The following THRB variants were observed in gnomAD, a reference collection of about 807,000 sequenced individuals.
The protein encoded by THRB is nuclear receptor subfamily 1 group A member 2.
A neutral mutation model predicts 47.8 loss-of-function variants in THRB; 12 were observed. That is an observed-to-expected ratio of 0.25 (90% CI 0.16 to 0.41). The LOEUF is 0.41. Among genes scored for constraint, THRB ranks in the 10% least tolerant of loss-of-function variants. THRB has a pLI of 1.00. For synonymous variants in THRB, 218 were observed against 212.2 expected (o/e 1.03, Z -0.24); for missense variants, 348 against 589.2 (o/e 0.59, Z 4.24).
chr3:24,398,644 T>A (rs193059142), intron 1 of THRB, among the ~76,000 whole-genome samples: 4 of 152,272 alleles, frequency 2.6e-5, no homozygotes, highest in Admixed American at 2.6e-4. Flanking sequence ...TGTAAACTAG[T>A]TCAACCATTG....
intron 7 of THRB, 134 bp downstream of exon 7, chr3:24,146,541 G>A (rs2149034672): frequency 1.1e-6 from 1 of 913,992 alleles, no homozygotes; most frequent in South Asian, 1.5e-5. Context: ...AGTGAGGGGT[G>A]TATGCGAAAG....
At chr3:24,203,709 A>C (rs2044887453) in intron 4 of THRB, among the ~76,000 whole-genome samples, 1 of 152,198 alleles carries the variant, frequency 6.6e-6, no homozygotes, top group Non-Finnish European at 1.5e-5. Context: ...AGGGCAAGGC[A>C]TCACCTCACC....
intron 6 of THRB, among the ~76,000 whole-genome samples, chr3:24,150,794 G>A (rs1231300515): frequency 2.6e-5 from 4 of 152,232 alleles, no homozygotes; most frequent in Admixed American, 6.5e-5. Context: ...CCCATTATGC[G>A]CCGATTTAGA....
intron 1 of THRB, among the ~76,000 whole-genome samples, chr3:24,400,672 GTCTATATATAT>G (rs917792904): frequency 2.6e-5 from 4 of 152,030 alleles, no homozygotes; most frequent in African/African-American, 4.8e-5. Context: ...TGAATCGTAG[GTCTATATATAT>G]TTCATTGTTG....
chr3:24,143,600 C>G lies in THRB; in HGVS notation c.639G>C (p.Glu213Asp). The change falls in exon 8 of 11, where the codon GAG (glutamate) becomes GAC (aspartate). Residue 213 changes from glutamate to aspartate, a missense_variant. Glu to Asp is a conservative substitution (Grantham distance 45, BLOSUM62 2). Around this residue, in one of 5 missense-constraint regions of THRB, gnomAD observed 112 missense variants for 212.3 expected, o/e 0.53. Transcript: ENST00000646209. The stretch of plus-strand genomic sequence containing the variant: ...TGAGCTCCCATTCCTCGTCTGTGGG[C>G]TCTGGCTTGTGCCCGATGGACTTCT... ...ELQKSIGHKP[E>D]PTDEEWELIK... 1 of 1,614,240 alleles carries G rather than the reference C, an allele frequency of 6.2e-7. No homozygotes were observed. The highest frequency in any genetic ancestry group is 8.5e-7 in the Non-Finnish European group (1 of 1,180,026).
chr3:24,435,833 C>T (rs948887338), intron 1 of THRB, among the ~76,000 whole-genome samples: 1 of 152,212 alleles, frequency 6.6e-6, no homozygotes, highest in African/African-American at 2.4e-5. Context: ...TCCCCCTCCG[C>T]GGCCCTTCCA....
At chr3:24,370,155 G>A (rs2064796740) in intron 1 of THRB, among the ~76,000 whole-genome samples, 1 of 151,886 alleles carries the variant, frequency 6.6e-6, no homozygotes, top group Non-Finnish European at 1.5e-5. Context: ...CTTAGAACGG[G>A]GCATTATAAT....
intron 1 of THRB, among the ~76,000 whole-genome samples, chr3:24,492,692 A>G (rs1388894008): frequency 6.6e-6 from 1 of 152,234 alleles, no homozygotes; most frequent in Non-Finnish European, 1.5e-5. Context: ...AAGATAATGG[A>G]TTAAAAAGTT....
intron 1 of THRB, among the ~76,000 whole-genome samples, chr3:24,460,952 C>T (rs1353914448): frequency 6.6e-6 from 1 of 152,124 alleles, no homozygotes; most frequent in African/African-American, 2.4e-5. Context: ...TAAAGCCCCC[C>T]AGAAGTATAA....
chr3:24,130,864 A>G (rs1046368119), intron 9 of THRB, among the ~76,000 whole-genome samples: 10 of 152,246 alleles, frequency 6.6e-5, no homozygotes, highest in Non-Finnish European at 1.2e-4. Context: ...AAAATTGGAA[A>G]TGAACTATAG....
At chr3:24,379,824 C>T (rs60586356) in intron 1 of THRB, among the ~76,000 whole-genome samples, 5,832 of 152,020 alleles carry the variant, frequency 0.038, 128 homozygotes, top group Middle Eastern at 0.058. Flanking sequence ...CTGTTACTTC[C>T]AGGTTCCCCC....
intron 5 of THRB, among the ~76,000 whole-genome samples, chr3:24,175,619 C>T (rs1340623733): frequency 6.6e-6 from 1 of 152,174 alleles, no homozygotes; most frequent in East Asian, 1.9e-4. Flanking sequence ...GCTAAGCCAA[C>T]AGTGGAATGT....
intron 3 of THRB, among the ~76,000 whole-genome samples, chr3:24,251,762 T>C (rs1294012039): frequency 6.6e-5 from 10 of 152,050 alleles, no homozygotes; most frequent in African/African-American, 2.2e-4. Flanking sequence ...AAAAAAATTA[T>C]TTAAACTGTT....
At chr3:24,319,383 C>T (rs942173311) in intron 2 of THRB, among the ~76,000 whole-genome samples, 2 of 152,018 alleles carry the variant, frequency 1.3e-5, no homozygotes, top group South Asian at 2.1e-4. Flanking sequence ...TACTACTCTG[C>T]AATAAAAAAG....
intron 1 of THRB, among the ~76,000 whole-genome samples, chr3:24,360,040 A>T (rs576694638): frequency 2.6e-5 from 4 of 152,278 alleles, no homozygotes; most frequent in African/African-American, 9.6e-5. Context: ...TCTTTCTATT[A>T]ATCCAAGGCC....
intron 3 of THRB, among the ~76,000 whole-genome samples, chr3:24,230,757 G>C (rs2150111797): frequency 6.6e-6 from 1 of 152,300 alleles, no homozygotes; most frequent in South Asian, 2.1e-4. Flanking sequence ...AACTTGGCTT[G>C]GACTGTGCCC....
rs1207008580 is a variant in THRB at position 24,261,520 on chromosome 3, C to CAAAAAA, written c.-42-32525_-42-32520dup. On this transcript the variant is annotated intron_variant, in intron 3 of 10. Transcript: ENST00000646209. ...CTCAAAAAAAAAAAAAAAAAAAAAC[C>CAAAAAA]AAAAAAAACTCTCTAGATCCCACTA... 4.5e-3 allele frequency among the ~76,000 whole-genome samples: 541 copies of CAAAAAA among 119,484 alleles called. 13 individuals carry two copies. Among genetic ancestry groups the CAAAAAA allele is most frequent in the African/African-American group, 0.021 (509 of 24,764 alleles). The allele number at this position is 119,484 out of a possible 152,430, so 78.4% of individuals were successfully genotyped here. A position where few individuals can be genotyped will look rare whatever the true frequency, so the allele number is the denominator to read the frequency against.
At chr3:24,206,493 T>C (rs1000418971) in intron 4 of THRB, among the ~76,000 whole-genome samples, 6 of 151,958 alleles carry the variant, frequency 3.9e-5, no homozygotes, top group Non-Finnish European at 8.8e-5. Flanking sequence ...CTGGGACACA[T>C]TTAAAGCAGT....
At chr3:24,182,228 C>CAAAA (rs142372187) in intron 5 of THRB, among the ~76,000 whole-genome samples, 1 of 151,354 alleles carries the variant, frequency 6.6e-6, no homozygotes, top group South Asian at 2.1e-4. Flanking sequence ...AAAAAACAAA[C>CAAAA]AAAAAAAAGA....
Sources: gnomAD v4.1 joint callset for allele counts (sites outside exome capture counted in the v4.1 genomes callset) on GRCh38, gnomAD v4.1.1 for gene constraint, gnomAD v4.1.1 regional missense constraint, MANE v1.5 for transcripts, NCBI Gene and HGNC (gene_info 2026-07-23, HGNC 2026-07-21) for gene names.